Variants in LHFPL2 observed in about 807,000 individuals in gnomAD.
LHFPL2 encodes the protein LHFPL tetraspan subfamily member 2.
A neutral mutation model predicts 17.5 loss-of-function variants in LHFPL2; 7 were observed. That is an observed-to-expected ratio of 0.40 (90% CI 0.23 to 0.75). The LOEUF (loss-of-function observed/expected upper bound fraction) is 0.75, where lower values mean the gene tolerates loss of function less well. Ranked by LOEUF, LHFPL2 falls within the 30% of genes least tolerant of loss-of-function variation. The pLI, the probability that LHFPL2 is intolerant of heterozygous loss-of-function variation, is 0.37. For synonymous variants in LHFPL2, 134 were observed against 116.2 expected, an observed-to-expected ratio of 1.15 and a Z score of -0.99; for missense variants, 241 against 294.8, an observed-to-expected ratio of 0.82 and a Z score of 1.34.
chr5:78,566,041 A>G lies in LHFPL2; in HGVS notation c.-244-1170T>C, dbSNP rs182507873. 3.4e-3 allele frequency among the ~76,000 whole-genome samples: 514 copies of G among 152,358 alleles called. 5 individuals are homozygous for G. The highest frequency in any genetic ancestry group is 0.011 in the African/African-American group (478 of 41,576). On this transcript the variant is annotated intron_variant, in intron 2 of 4. Coordinates refer to ENST00000380345, the MANE Select transcript of LHFPL2 (RefSeq NM_005779.3). ...AAAAAAAGCATTTTGAGTTCATGAGATATTAAAAATGTAATTGGGGTGTAT... is the reference window on the plus strand; with the variant it reads ...AAAAAAAGCATTTTGAGTTCATGAGGTATTAAAAATGTAATTGGGGTGTAT...
chr5:78,575,857 A>G (rs1293090965), intron 2 of LHFPL2, among the ~76,000 whole-genome samples: 1 of 152,216 alleles, frequency 6.6e-6, no homozygotes, highest in African/African-American at 2.4e-5. Context: ...TTCAAGAAGT[A>G]GAGTCGCAGA....
At chr5:78,547,960 C>T (rs1243022392) in intron 3 of LHFPL2, among the ~76,000 whole-genome samples, 2 of 152,232 alleles carry the variant, frequency 1.3e-5, no homozygotes, top group African/African-American at 2.4e-5. Flanking sequence ...CTACATCTCC[C>T]CAGGGAATGG....
chr5:78,570,386 G>C (rs1324889443), intron 2 of LHFPL2, among the ~76,000 whole-genome samples: 1 of 152,078 alleles, frequency 6.6e-6, no homozygotes, highest in Non-Finnish European at 1.5e-5. Context: ...GGCAGCAATG[G>C]AGCACAGAGT....
intron 2 of LHFPL2, chr5:78,625,254 G>C (rs1333062300): frequency 6.6e-6 from 1 of 152,194 alleles, no homozygotes; most frequent in Non-Finnish European, 1.5e-5. Context: ...CAGAGGGTAA[G>C]TCTGATGAGC....
rs1465617849 is a variant in LHFPL2 at position 78,486,785 on chromosome 5, G to A, written c.*2112C>T. On this transcript the variant is annotated 3_prime_UTR_variant, in exon 5 of 5. Transcript: ENST00000380345. ...CCACCTTAGCCAAAGAGCAGGTGATGGACATGCTCGGAGGATCCTGTGAGC... is the reference window on the plus strand; with the variant it reads ...CCACCTTAGCCAAAGAGCAGGTGATAGACATGCTCGGAGGATCCTGTGAGC... The A allele has an allele frequency of 6.6e-6, 1 of 152,194 alleles. No homozygotes were observed. The highest frequency in any genetic ancestry group is 1.5e-5 in the Non-Finnish European group (1 of 68,034). The allele number at this position is 152,194 out of a possible 1,614,324, so 9.4% of individuals were successfully genotyped here.
chr5:78,543,938 T>C (rs1189540994), intron 3 of LHFPL2, among the ~76,000 whole-genome samples: 4 of 152,172 alleles, frequency 2.6e-5, no homozygotes, highest in African/African-American at 7.2e-5. Context: ...CAGGTGGAGA[T>C]AGCAGAGACT....
chr5:78,507,591 A>G (rs1021260290), intron 4 of LHFPL2, among the ~76,000 whole-genome samples: 1 of 152,182 alleles, frequency 6.6e-6, no homozygotes, highest in Non-Finnish European at 1.5e-5. Context: ...GTTTAGTGTT[A>G]TGGCCCAAGA....
chr5:78,495,977 G>C (rs1017863200), intron 4 of LHFPL2, among the ~76,000 whole-genome samples: 1 of 152,176 alleles, frequency 6.6e-6, no homozygotes, highest in Admixed American at 6.5e-5. Context: ...GGACGCTCAC[G>C]CATCTGGGCA....
chr5:78,532,531 C>G (rs771065419), intron 3 of LHFPL2, among the ~76,000 whole-genome samples: 1 of 152,090 alleles, frequency 6.6e-6, no homozygotes, highest in East Asian at 1.9e-4. Flanking sequence ...AAGCTAACAC[C>G]GTAGTCCACC....
intron 4 of LHFPL2, among the ~76,000 whole-genome samples, chr5:78,496,889 T>C (rs1754624842): frequency 6.6e-6 from 1 of 152,176 alleles, no homozygotes; most frequent in African/African-American, 2.4e-5. Context: ...TCCTCTTCCC[T>C]ATCTATATTC....
chr5:78,544,614 T>C (rs983135871), intron 3 of LHFPL2, among the ~76,000 whole-genome samples: 2 of 152,198 alleles, frequency 1.3e-5, no homozygotes, highest in East Asian at 1.9e-4. Context: ...GTAGCTGATC[T>C]GTGCGGATGC....
chr5:78,507,942 ACACACAC>A (rs1561311195), intron 4 of LHFPL2, among the ~76,000 whole-genome samples: 5 of 3,200 alleles, frequency 1.6e-3, no homozygotes, highest in African/African-American at 4.6e-3. Flanking sequence ...ACACATGCAT[ACACACAC>A]ACACACACAC....
At chr5:78,582,717 A>G (rs896216518) in intron 2 of LHFPL2, among the ~76,000 whole-genome samples, 4 of 152,278 alleles carry the variant, frequency 2.6e-5, no homozygotes, top group East Asian at 1.9e-4. Context: ...TATGTGGTCA[A>G]TTTTGGAATA....
At chr5:78,590,830 A>G (rs1395971457) in intron 2 of LHFPL2, among the ~76,000 whole-genome samples, 2 of 152,206 alleles carry the variant, frequency 1.3e-5, no homozygotes, top group African/African-American at 4.8e-5. Context: ...CTCTAAATGG[A>G]TAATGCAGAT....
At chr5:78,532,339 C>T (rs1425785571) in intron 3 of LHFPL2, among the ~76,000 whole-genome samples, 1 of 152,192 alleles carries the variant, frequency 6.6e-6, no homozygotes, top group Non-Finnish European at 1.5e-5. Flanking sequence ...GGACTACAGA[C>T]ATGAGCCATT....
intron 2 of LHFPL2, among the ~76,000 whole-genome samples, chr5:78,599,668 G>T (rs1034363134): frequency 1.3e-5 from 2 of 151,926 alleles, no homozygotes; most frequent in African/African-American, 4.8e-5. Context: ...CACAGATTCT[G>T]CTTGCCAGTT....
intron 3 of LHFPL2, among the ~76,000 whole-genome samples, chr5:78,535,919 CA>C (rs1410540808): frequency 1.3e-5 from 2 of 152,174 alleles, no homozygotes; most frequent in Non-Finnish European, 2.9e-5. Flanking sequence ...GAGTTCTGAG[CA>C]TCAGAATAAC....
intron 2 of LHFPL2, among the ~76,000 whole-genome samples, chr5:78,581,177 T>A (rs561447909): frequency 6.6e-6 from 1 of 152,202 alleles, no homozygotes; most frequent in African/African-American, 2.4e-5. Context: ...AGAATGCTTG[T>A]GATTTTTGTA....
chr5:78,585,834 G>A (rs1409187534), intron 2 of LHFPL2, among the ~76,000 whole-genome samples: 2 of 152,164 alleles, frequency 1.3e-5, no homozygotes, highest in African/African-American at 4.8e-5. Context: ...TTACAGATGG[G>A]GAGACTGGGT....
Sources: gnomAD v4.1 joint callset for allele counts (sites outside exome capture counted in the v4.1 genomes callset) on GRCh38, gnomAD v4.1.1 for gene constraint, MANE v1.5 for transcripts, NCBI Gene and HGNC (gene_info 2026-07-23, HGNC 2026-07-21) for gene names.